Variants in CLMN observed in about 807,000 individuals in gnomAD.
CLMN encodes the protein calmin (calponin-like, transmembrane).
Under a neutral mutation model 92.7 loss-of-function variants are expected in CLMN, and 57 were observed. The ratio of observed to expected loss-of-function variants is 0.61; its 90% CI spans 0.50 to 0.77. CLMN has a LOEUF of 0.77. CLMN is among the 30% of genes least tolerant of loss of function. CLMN has a pLI of 0.00. For synonymous variants in CLMN, 466 were observed against 470.6 expected, an observed-to-expected ratio of 0.99 and a Z score of 0.13; for missense variants, 1,158 against 1,237.5, an observed-to-expected ratio of 0.94 and a Z score of 0.96.
chr14:95,307,730 G>GGAGAGAGCCAGCTCTCCAA (rs1486866367), intron 1 of CLMN: 6 of 150,282 alleles, frequency 4.0e-5, no homozygotes, highest in South Asian at 2.1e-4. Flanking sequence ...GCTCTCTCTT[G>GGAGAGAGCCAGCTCTCCAA]GAGAGAGCCA....
At chr14:95,283,792 C>T (rs1273229918) in intron 1 of CLMN, among the ~76,000 whole-genome samples, 1 of 152,170 alleles carries the variant, frequency 6.6e-6, no homozygotes, top group Admixed American at 6.5e-5. Context: ...TAAAGGCATT[C>T]AGTTTTATAA....
At chr14:95,304,330 G>A (rs1901181408) in intron 1 of CLMN, among the ~76,000 whole-genome samples, 1 of 149,754 alleles carries the variant, frequency 6.7e-6, no homozygotes, top group South Asian at 2.2e-4. Context: ...GCGACAGAGA[G>A]AAATTCTGTC....
intron 1 of CLMN, among the ~76,000 whole-genome samples, chr14:95,240,886 A>G (rs79835439): frequency 0.14 from 20,708 of 152,072 alleles, 2,468 homozygotes; most frequent in African/African-American, 0.31. Context: ...AAGCCCCTCC[A>G]TGGCACCTTG....
At chr14:95,247,426 C>T (rs911307638) in intron 1 of CLMN, among the ~76,000 whole-genome samples, 1 of 152,170 alleles carries the variant, frequency 6.6e-6, no homozygotes, top group Non-Finnish European at 1.5e-5. Flanking sequence ...GGTGCTGTGC[C>T]GCATGGTGCC....
At chr14:95,299,560 A>G (rs1437903423) in intron 1 of CLMN, among the ~76,000 whole-genome samples, 4 of 152,188 alleles carry the variant, frequency 2.6e-5, no homozygotes, top group Admixed American at 6.5e-5. Context: ...GTGGGGAGAC[A>G]GCAACCTGTC....
chr14:95,269,702 T>C (rs936669108), intron 1 of CLMN, among the ~76,000 whole-genome samples: 2 of 152,184 alleles, frequency 1.3e-5, no homozygotes, highest in African/African-American at 4.8e-5. Flanking sequence ...CCCAGCTGCC[T>C]GGCACCAAAG....
At chr14:95,312,409 T>C (rs1901579852) in intron 1 of CLMN, among the ~76,000 whole-genome samples, 1 of 152,190 alleles carries the variant, frequency 6.6e-6, no homozygotes, top group African/African-American at 2.4e-5. Context: ...AGAAGAAGGC[T>C]GGGCTGCCAC....
intron 1 of CLMN, among the ~76,000 whole-genome samples, chr14:95,237,009 CACCTTGGCACGGGCCAAAG>C (rs1318177825): frequency 6.6e-6 from 1 of 152,216 alleles, no homozygotes; most frequent in East Asian, 1.9e-4. Flanking sequence ...AGCATCCAAA[CACCTTGGCACGGGCCAAAG>C]ACCTTGGCAC....
At chr14:95,207,114 A>G (rs1897067418) in intron 8 of CLMN, among the ~76,000 whole-genome samples, 1 of 152,204 alleles carries the variant, frequency 6.6e-6, no homozygotes, top group Non-Finnish European at 1.5e-5. Flanking sequence ...TAATAATTGT[A>G]TATATTTATG....
intron 8 of CLMN, 31 bp from the exon 9 acceptor site, chr14:95,204,494 A>AC (rs1896990381): frequency 2.0e-6 from 3 of 1,526,360 alleles, no homozygotes; most frequent in Non-Finnish European, 2.6e-6. Flanking sequence ...AAACAAACAA[A>AC]AAAAAACAAA....
chr14:95,235,843 C>T (rs1446657826), intron 1 of CLMN, among the ~76,000 whole-genome samples: 5 of 152,086 alleles, frequency 3.3e-5, no homozygotes, highest in Non-Finnish European at 5.9e-5. Context: ...TGAGACGTGG[C>T]TTCATCTCTA....
intron 12 of CLMN, 66 bp downstream of exon 12, chr14:95,193,782 AG>A: frequency 6.3e-7 from 1 of 1,592,458 alleles, no homozygotes; most frequent in Non-Finnish European, 8.6e-7. Flanking sequence ...CACCCCTGTA[AG>A]GCAGGCTGCA....
intron 9 of CLMN, among the ~76,000 whole-genome samples, chr14:95,201,180 T>C (rs890461947): frequency 3.3e-5 from 5 of 151,264 alleles, no homozygotes; most frequent in East Asian, 1.9e-4. Context: ...AAAATATATA[T>C]ATATATATTT....
At chr14:95,272,024 T>C (rs960597459) in intron 1 of CLMN, among the ~76,000 whole-genome samples, 2 of 152,256 alleles carry the variant, frequency 1.3e-5, no homozygotes, top group African/African-American at 4.8e-5. Flanking sequence ...GTGACTATTA[T>C]GCAATTAATC....
At chr14:95,229,579 G>A (rs1467350589) in intron 2 of CLMN, among the ~76,000 whole-genome samples, 1 of 152,160 alleles carries the variant, frequency 6.6e-6, no homozygotes, top group Admixed American at 6.5e-5. Context: ...AGGAGACATG[G>A]CATGTGTGTG....
rs1024241500 is a variant in CLMN at position 95,186,570 on chromosome 14, G to A, written c.*4994C>T. On this transcript the variant is annotated 3_prime_UTR_variant, in exon 13 of 13. Transcript: ENST00000298912. Reference sequence around the variant, plus strand: ...TGGCAAACACCTGTGTGGACTACTTGTTTCTTTATTTTTGAGACAGCGTCT... The same window carrying A: ...TGGCAAACACCTGTGTGGACTACTTATTTCTTTATTTTTGAGACAGCGTCT... The A allele has an allele frequency of 1.3e-5, 2 of 152,200 alleles. No individual in the cohort carries two copies. Among genetic ancestry groups the A allele is most frequent in the African/African-American group, 4.8e-5 (2 of 41,434 alleles). The allele number at this position is 152,200 out of a possible 1,614,324, so 9.4% of individuals were successfully genotyped here.
rs1896350533 is a variant in CLMN at position 95,182,482 on chromosome 14, ATAG to A, written c.*9079_*9081del. ...CGTGTTCACAATTTGTCTTTGGCGG[ATAG>A]TATCAGCACCACTGTGAGTGACATA... On this transcript the variant is annotated 3_prime_UTR_variant, in exon 13 of 13. Transcript: ENST00000298912. 1 of 152,224 alleles carries A rather than the reference ATAG, an allele frequency of 6.6e-6. No homozygotes were observed. The highest frequency in any genetic ancestry group is 2.4e-5 in the African/African-American group (1 of 41,440). 9.4% of individuals were successfully genotyped at this position (152,224 alleles called of 1,614,324 possible).
chr14:95,216,126 G>C (rs1023009928), intron 4 of CLMN, among the ~76,000 whole-genome samples: 2 of 152,192 alleles, frequency 1.3e-5, no homozygotes, highest in Admixed American at 1.3e-4. Context: ...CACATGGTTG[G>C]AGAGGCCTCA....
chr14:95,254,542 C>G (rs746348483), intron 1 of CLMN, among the ~76,000 whole-genome samples: 9 of 152,130 alleles, frequency 5.9e-5, no homozygotes, highest in Non-Finnish European at 1.2e-4. Context: ...TCCACCAGCC[C>G]CCTTGGCTCC....
Sources: allele counts gnomAD v4.1 joint callset (sites outside exome capture counted in the v4.1 genomes callset), GRCh38; gene constraint gnomAD v4.1.1; transcripts MANE v1.5; gene names NCBI Gene and HGNC (gene_info 2026-07-23, HGNC 2026-07-21).